The following PRSS23 variants were observed in gnomAD, a reference collection of about 807,000 sequenced individuals.
The protein encoded by PRSS23 is serine protease 23.
Under a neutral mutation model 34.7 loss-of-function variants are expected in PRSS23, and 25 were observed. The observed-to-expected ratio is 0.72, with a 90% CI of 0.53 to 1.01. PRSS23 has a LOEUF of 1.01. Among genes scored for constraint, PRSS23 ranks in the 50% least tolerant of loss-of-function variants. The pLI is 0.00. For synonymous variants in PRSS23, 176 were observed against 186.6 expected (o/e 0.94, Z 0.46); for missense variants, 445 against 475.6 (o/e 0.94, Z 0.60).
At chr11:86,931,345 T>A (rs1334019708) in intron 2 of PRSS23, among the ~76,000 whole-genome samples, 1 of 152,068 alleles carries the variant, frequency 6.6e-6, no homozygotes, top group Non-Finnish European at 1.5e-5. Context: ...GCCACTAAAT[T>A]TCCATCAAAA....
intron 1 of PRSS23, among the ~76,000 whole-genome samples, chr11:86,801,467 T>G (rs1387148226): frequency 6.6e-6 from 1 of 152,154 alleles, no homozygotes; most frequent in Non-Finnish European, 1.5e-5. Flanking sequence ...GTGACACCAG[T>G]AAGAATTAAG....
chr11:86,925,114 TA>T (rs1177958810), intron 2 of PRSS23: 1 of 152,218 alleles, frequency 6.6e-6, no homozygotes, highest in Non-Finnish European at 1.5e-5. Flanking sequence ...GCATTTCTCT[TA>T]AAACACAAAA....
chr11:86,939,232 C>T (rs1312264135), intron 2 of PRSS23: 4 of 284,326 alleles, frequency 1.4e-5, no homozygotes, highest in Non-Finnish European at 2.8e-5. Context: ...AACACATAAA[C>T]AAAAAATTCT....
intron 2 of PRSS23, among the ~76,000 whole-genome samples, chr11:86,835,609 C>T (rs571808181): frequency 1.9e-4 from 29 of 152,248 alleles, no homozygotes; most frequent in South Asian, 8.3e-4. Flanking sequence ...AATCCATATT[C>T]GGCAGAAACC....
chr11:86,821,582 T>A, intron 1 of PRSS23: 1 of 1,609,068 alleles, frequency 6.2e-7, no homozygotes, highest in Non-Finnish European at 8.5e-7. Context: ...AACAAGTCCG[T>A]TTAGCTCAAG....
chr11:86,925,712 G>A (rs2135008683), intron 2 of PRSS23, among the ~76,000 whole-genome samples: 1 of 152,218 alleles, frequency 6.6e-6, no homozygotes, highest in East Asian at 1.9e-4. Context: ...GAAAAAATTA[G>A]GCTTACAGAG....
intron 2 of PRSS23, among the ~76,000 whole-genome samples, chr11:86,924,295 G>T (rs1949066200): frequency 6.6e-6 from 1 of 152,148 alleles, no homozygotes; most frequent in South Asian, 2.1e-4. Context: ...GAAAGGAACA[G>T]GGAATGTGCT....
At chr11:86,930,763 C>T (rs1949119197) in intron 2 of PRSS23, among the ~76,000 whole-genome samples, 1 of 147,290 alleles carries the variant, frequency 6.8e-6, no homozygotes, top group Non-Finnish European at 1.5e-5. Flanking sequence ...GCACTCCAGC[C>T]TGGGCGACAG....
intron 1 of PRSS23, among the ~76,000 whole-genome samples, chr11:86,805,235 C>G (rs1356918919): frequency 6.6e-6 from 1 of 152,118 alleles, no homozygotes; most frequent in African/African-American, 2.4e-5. Context: ...TGCTCAAGTC[C>G]TCGATAAGCC....
chr11:86,807,890 C>A lies in PRSS23; in HGVS notation c.247C>A (p.Gln83Lys). The change falls in exon 2 of 2, where the codon CAA becomes AAA. Residue 83 changes from glutamine to lysine, a missense_variant. By Grantham distance (53) the Gln-to-Lys change is moderately conservative. Coordinates refer to ENST00000280258, the MANE Select transcript of PRSS23 (RefSeq NM_007173.6). ...TPLPTYEEAK[Q>K]YLSYETLYAN... Reference sequence around the variant, plus strand: ...ACTGCCCACTTACGAAGAGGCCAAGCAATATCTGTCTTATGAAACGCTCTA... The same window carrying A: ...ACTGCCCACTTACGAAGAGGCCAAGAAATATCTGTCTTATGAAACGCTCTA... The A allele has an allele frequency of 6.2e-7, 1 of 1,614,146 alleles. No homozygotes were observed. The highest frequency in any genetic ancestry group is 1.7e-5 in the Admixed American group (1 of 60,024).
intron 1 of PRSS23, chr11:86,821,725 T>A: frequency 7.1e-7 from 1 of 1,406,592 alleles, no homozygotes; most frequent in African/African-American, 1.4e-5. Context: ...TAGTGTACTG[T>A]CTATTTCTTC....
intron 2 of PRSS23, among the ~76,000 whole-genome samples, chr11:86,900,001 G>C (rs1399013450): frequency 6.6e-6 from 1 of 152,136 alleles, no homozygotes; most frequent in African/African-American, 2.4e-5. Context: ...AAGAACGCAT[G>C]GTCTATGATG....
At chr11:86,889,680 G>A (rs1034930431) in intron 2 of PRSS23, among the ~76,000 whole-genome samples, 4 of 152,202 alleles carry the variant, frequency 2.6e-5, no homozygotes, top group African/African-American at 9.7e-5. Flanking sequence ...GAATTCTGGA[G>A]GGACATAAAC....
At chr11:86,897,863 T>C (rs1948887017) in intron 2 of PRSS23, among the ~76,000 whole-genome samples, 1 of 152,226 alleles carries the variant, frequency 6.6e-6, no homozygotes, top group South Asian at 2.1e-4. Context: ...CTTTTTCTTA[T>C]TTCTGTTTAA....
chr11:86,847,069 T>C lies in PRSS23; in HGVS notation c.206+23476T>C, dbSNP rs190875633. On this transcript the variant is annotated intron_variant, in intron 2 of 2. Transcript: ENST00000533902. Reference sequence around the variant, plus strand: ...TTTAATAATTGGTATTGGAAGAAAATGTAGTCAGTTGGGACACAGGATACT... The same window carrying C: ...TTTAATAATTGGTATTGGAAGAAAACGTAGTCAGTTGGGACACAGGATACT... 3.3e-3 allele frequency among the ~76,000 whole-genome samples: 508 copies of C among 152,270 alleles called. 4 individuals carry two copies. Among genetic ancestry groups the C allele is most frequent in the Non-Finnish European group, 5.5e-3 (373 of 68,026 alleles).
chr11:86,935,279 T>G (rs1448387062), intron 2 of PRSS23: 12 of 152,236 alleles, frequency 7.9e-5, no homozygotes, highest in African/African-American at 2.9e-4. Context: ...AAACATCCAC[T>G]TTGTGTCAGG....
At chr11:86,861,987 G>A (rs1484726797) in intron 2 of PRSS23, among the ~76,000 whole-genome samples, 6 of 151,802 alleles carry the variant, frequency 4.0e-5, no homozygotes, top group Non-Finnish European at 8.8e-5. Context: ...CAATATACAG[G>A]GGGTGAGAGA....
intron 2 of PRSS23, among the ~76,000 whole-genome samples, chr11:86,886,842 G>T (rs1016327421): frequency 2.6e-5 from 4 of 152,180 alleles, no homozygotes; most frequent in Non-Finnish European, 5.9e-5. Flanking sequence ...GGGAGGCTGA[G>T]GCAGGAGAAT....
rs562688071 is a variant in PRSS23 at position 86,945,833 on chromosome 11, A to G, written c.207-5383A>G. On this transcript the variant is annotated intron_variant, in intron 2 of 2. Transcript: ENST00000533902. ...GGGTCCATTTCCTTTGAAATTTAGC[A>G]ATTCATTCAGGGCATGTGTAGCAGG... is the stretch of plus-strand genomic sequence containing the variant. 5.0e-4 allele frequency: 77 copies of G among 152,716 alleles called. 1 individual carries two copies. Among genetic ancestry groups the G allele is most frequent in the African/African-American group, 1.7e-3 (72 of 41,562 alleles). 9.5% of individuals were successfully genotyped at this position (152,716 alleles called of 1,614,324 possible). A position where few individuals can be genotyped will look rare whatever the true frequency, so the allele number is the denominator to read the frequency against.
Sources: allele counts gnomAD v4.1 joint callset (sites outside exome capture counted in the v4.1 genomes callset), GRCh38; gene constraint gnomAD v4.1.1; transcripts MANE v1.5; gene names NCBI Gene and HGNC (gene_info 2026-07-23, HGNC 2026-07-21).